LINGO1: variants seen among roughly 807,000 people sequenced by gnomAD.
LINGO1 encodes leucine rich repeat and Ig domain containing 1.
Under a neutral mutation model 37.3 loss-of-function variants are expected in LINGO1, and 11 were observed. That is an observed-to-expected ratio of 0.29 (90% CI 0.19 to 0.49). The LOEUF is 0.49. Ranked by LOEUF, LINGO1 falls within the 20% of genes least tolerant of loss-of-function variation. LINGO1 has a pLI of 0.99. For missense variants in LINGO1, 585 were observed against 878.2 expected (o/e 0.67, Z 4.22); for synonymous variants, 387 against 403.0 (o/e 0.96, Z 0.48).
At chr15:77,818,814 T>C (rs4243054) in intron 1 of LINGO1, among the ~76,000 whole-genome samples, 116,886 of 151,604 alleles carry the variant, frequency 0.77, 47,498 homozygotes, top group Non-Finnish European at 0.88. Context: ...TAGGTGGGTG[T>C]CCCAGAGAGC....
intron 2 of LINGO1, among the ~76,000 whole-genome samples, chr15:77,716,618 A>G (rs2075988659): frequency 6.7e-6 from 1 of 150,300 alleles, no homozygotes; most frequent in Non-Finnish European, 1.5e-5. Flanking sequence ...ACATGAGTGA[A>G]GAGCCATCTA....
At chr15:77,667,780 G>A (rs2141193937) in intron 3 of LINGO1, 1 of 152,326 alleles carries the variant, frequency 6.6e-6, no homozygotes, top group African/African-American at 2.4e-5. Flanking sequence ...ATTTGGAGAT[G>A]AAAAGCGCCC....
upstream of LINGO1, among the ~76,000 whole-genome samples, chr15:77,787,626 C>A (rs2076784883): frequency 6.6e-6 from 1 of 152,062 alleles, no homozygotes; most frequent in African/African-American, 2.4e-5. Flanking sequence ...AACCTCCCTG[C>A]CAACCGCTGA....
rs187907634 is a variant in LINGO1 at position 77,624,226 on chromosome 15, T to C, written c.6+8084A>G. Among the ~76,000 whole-genome samples the C allele has an allele frequency of 5.3e-5, 8 of 151,250 alleles. No homozygotes were observed. In the East Asian group the frequency reaches 1.6e-3, roughly 29 times the overall value. On this transcript the variant is annotated intron_variant, in intron 1 of 1. Coordinates refer to ENST00000355300, the MANE Select transcript of LINGO1 (RefSeq NM_032808.7). ...GCCTCTGTGTGTGTGTGTGTATGTG[T>C]ATGGTGTGTGAGTGGCCTCTGTGTG...
rs143575800 is a variant in LINGO1 at position 77,715,165 on chromosome 15, C to A, written c.-195+19827G>T. Among the ~76,000 whole-genome samples the A allele has an allele frequency of 4.2e-3, 635 of 152,276 alleles. 6 individuals are homozygous for A. The highest frequency in any genetic ancestry group is 0.014 in the African/African-American group (568 of 41,546). ...TGGCAATGCGACACTTCATGGCTGG[C>A]ATGCTGCACGTACCCCATATGGGGT... On this transcript the variant is annotated intron_variant, in intron 2 of 3. Transcript: ENST00000561686.
At chr15:77,689,679 C>A (rs1455928216) in intron 2 of LINGO1, among the ~76,000 whole-genome samples, 2 of 152,194 alleles carry the variant, frequency 1.3e-5, no homozygotes, top group South Asian at 4.1e-4. Context: ...TCTTTGCCTG[C>A]GCTATCATTC....
At chr15:77,683,218 G>A (rs1004291429) in intron 2 of LINGO1, among the ~76,000 whole-genome samples, 1 of 152,184 alleles carries the variant, frequency 6.6e-6, no homozygotes, top group Non-Finnish European at 1.5e-5. Flanking sequence ...GGAAGATTGA[G>A]AATGTTCAAT....
At chr15:77,630,104 G>A (rs1450657716) in intron 1 of LINGO1, among the ~76,000 whole-genome samples, 2 of 152,008 alleles carry the variant, frequency 1.3e-5, no homozygotes, top group Admixed American at 6.6e-5. Context: ...CCACACACAG[G>A]ACAGCTAGCC....
chr15:77,766,032 C>G (rs1478087458), intron 1 of LINGO1, among the ~76,000 whole-genome samples: 7 of 152,054 alleles, frequency 4.6e-5, no homozygotes, highest in Non-Finnish European at 1.0e-4. Context: ...ATAGGTGGTA[C>G]TCAATAAATG....
chr15:77,770,046 T>C (rs1163660882), intron 1 of LINGO1, among the ~76,000 whole-genome samples: 1 of 151,750 alleles, frequency 6.6e-6, no homozygotes, highest in Non-Finnish European at 1.5e-5. Flanking sequence ...GAGATGGGGG[T>C]CCCTGGGATA....
chr15:77,697,798 T>C (rs1372495250), upstream of LINGO1, among the ~76,000 whole-genome samples: 1 of 151,902 alleles, frequency 6.6e-6, no homozygotes, highest in Non-Finnish European at 1.5e-5. Flanking sequence ...GAAAGGATCT[T>C]TGAAGGGGTA....
rs539778564 is a variant in LINGO1, at chr15:77,702,741, A to T, written c.-194-11840T>A. 3.3e-5 allele frequency among the ~76,000 whole-genome samples: 5 copies of T among 152,186 alleles called. No individual in the cohort carries two copies. The South Asian group carries it at 1.0e-3, about 32-fold the overall frequency. On this transcript the variant is annotated intron_variant, in intron 2 of 3. Transcript: ENST00000561686. ...CAGTCTGCCTGGGCTACACACACAC[A>T]CACCAATGGCTAAGCTTGCTCTTCC... is the stretch of plus-strand genomic sequence containing the variant.
At chr15:77,698,646 CAG>C (rs1235218769), upstream of LINGO1, among the ~76,000 whole-genome samples, 3 of 152,172 alleles carry the variant, frequency 2.0e-5, no homozygotes, top group Admixed American at 6.5e-5. Flanking sequence ...AATGGGAAAC[CAG>C]AGAGACATAG....
At chr15:77,726,165 G>A (rs2076100189) in intron 2 of LINGO1, among the ~76,000 whole-genome samples, 1 of 152,198 alleles carries the variant, frequency 6.6e-6, no homozygotes. Context: ...CCAGTGTCCA[G>A]TGTTGACCCT....
At chr15:77,794,984 C>T (rs779713253) in intron 2 of LINGO1, among the ~76,000 whole-genome samples, 4 of 152,130 alleles carry the variant, frequency 2.6e-5, no homozygotes, top group Admixed American at 6.5e-5. Flanking sequence ...CACATACAAC[C>T]GTCACCCTAT....
chr15:77,648,623 C>T (rs140107100), intron 3 of LINGO1: 2 of 152,438 alleles, frequency 1.3e-5, no homozygotes, highest in African/African-American at 4.8e-5. Flanking sequence ...GGACAGAGAT[C>T]CAGGCCCAGC....
In LINGO1 at chr15:77,632,302, T is replaced by A; in HGVS notation, c.6+8A>T. 7.0e-7 allele frequency: 1 copy of A among 1,433,948 alleles called. No homozygotes were observed. Among genetic ancestry groups the A allele is most frequent in the Non-Finnish European group, 9.1e-7 (1 of 1,094,550 alleles). 88.8% of individuals were successfully genotyped at this position (1,433,948 alleles called of 1,614,324 possible). The stretch of plus-strand genomic sequence containing the variant: ...CGCTCGGGGCTCGGCCGCGGCCGCC[T>A]GGCTCACCTGCATCTCGGGCGCGCC... On this transcript the variant is annotated splice_region_variant and intron_variant, in intron 1 of 1. Transcript: ENST00000355300. This position sits in a 1 kb window ranked among gnomAD's most constrained non-coding sequence, Gnocchi z 6.0.
intron 1 of LINGO1, among the ~76,000 whole-genome samples, chr15:77,759,944 C>G (rs1259923319): frequency 6.6e-6 from 1 of 152,242 alleles, no homozygotes. Flanking sequence ...TACTGCTCAC[C>G]TGGTGCCAGC....
At chr15:77,639,551 G>A (rs902530638) in intron 3 of LINGO1, among the ~76,000 whole-genome samples, 1 of 151,954 alleles carries the variant, frequency 6.6e-6, no homozygotes, top group Non-Finnish European at 1.5e-5. Flanking sequence ...TTGTTATAGC[G>A]AAAAACAGGA....
Sources: gnomAD v4.1 joint callset for allele counts (sites outside exome capture counted in the v4.1 genomes callset) on GRCh38, gnomAD v4.1.1 for gene constraint, Gnocchi (gnomAD v3.1) non-coding constraint, MANE v1.5 for transcripts, NCBI Gene and HGNC (gene_info 2026-07-23, HGNC 2026-07-21) for gene names.